SULT1C4: variants seen among roughly 807,000 people sequenced by gnomAD.
SULT1C4 encodes sulfotransferase 1C4.
Under a neutral mutation model 34.8 loss-of-function variants are expected in SULT1C4, and 32 were observed. The ratio of observed to expected loss-of-function variants is 0.92; its 90% confidence interval spans 0.69 to 1.23. The LOEUF (loss-of-function observed/expected upper bound fraction) is 1.23. Among genes scored for constraint, SULT1C4 ranks in the 50% most tolerant of loss-of-function variants. SULT1C4 has a pLI of 0.00. For missense variants in SULT1C4, 375 were observed against 365.9 expected (o/e 1.02, Z -0.20); for synonymous variants, 111 against 120.5 (o/e 0.92, Z 0.51).
At chr2:108,384,528 A>G (rs1420103839) in intron 5 of SULT1C4, among the ~76,000 whole-genome samples, 1 of 152,228 alleles carries the variant, frequency 6.6e-6, no homozygotes, top group African/African-American at 2.4e-5. Flanking sequence ...CGCCCAGCCA[A>G]TAGCTTTAAG....
At chr2:108,381,207 C>A (rs887404540) in intron 1 of SULT1C4, among the ~76,000 whole-genome samples, 3 of 151,910 alleles carry the variant, frequency 2.0e-5, no homozygotes, top group Admixed American at 6.6e-5. Context: ...ATAGTTGTGA[C>A]AGAAAAAAAT....
intron 1 of SULT1C4, among the ~76,000 whole-genome samples, chr2:108,379,045 T>C (rs1573292339): frequency 1.3e-5 from 2 of 152,328 alleles, no homozygotes; most frequent in Middle Eastern, 6.8e-3. Context: ...CAAAGTTGTC[T>C]GTAAAAGTAG....
At chr2:108,384,800 T>C (rs1678526632) in intron 5 of SULT1C4, among the ~76,000 whole-genome samples, 1 of 152,206 alleles carries the variant, frequency 6.6e-6, no homozygotes, top group Non-Finnish European at 1.5e-5. Flanking sequence ...CTATACAGAA[T>C]TACAGTGTCT....
In SULT1C4 at chr2:108,378,052, T is replaced by G. The variant is rs1678288589; in HGVS notation, c.-286T>G. On this transcript the variant is annotated 5_prime_UTR_variant, in exon 1 of 7. Transcript: ENST00000272452. ...TCCCTGTTTGCTGGCCAGCAGGGTT[T>G]GTGGCCGCCTCTGCTGTGACGCCAC... 1 of 207,650 alleles carries G rather than the reference T, an allele frequency of 4.8e-6. No homozygotes were observed. Among genetic ancestry groups the G allele is most frequent in the Non-Finnish European group, 9.3e-6 (1 of 108,002 alleles). The allele number at this position is 207,650 out of a possible 1,614,324, so 12.9% of individuals were successfully genotyped here.
intron 5 of SULT1C4, among the ~76,000 whole-genome samples, chr2:108,385,265 G>A (rs982849263): frequency 5.3e-5 from 8 of 152,154 alleles, no homozygotes; most frequent in African/African-American, 9.7e-5. Context: ...AGGATATGTC[G>A]CTGGGAATGG....
chr2:108,387,223 G>C, intron 6 of SULT1C4, 97 bp from the exon 7 acceptor site: 1 of 933,146 alleles, frequency 1.1e-6, no homozygotes. Flanking sequence ...GCCCTTCCTA[G>C]AACATGGCAT....
At position 108,378,386 on chromosome 2, in the gene SULT1C4, T is replaced by C. The variant is rs754310555; in HGVS notation, c.49T>C (p.Leu17=). The C allele has an allele frequency of 6.2e-7, 1 of 1,614,210 alleles. No homozygotes were observed. Among genetic ancestry groups the C allele is most frequent in the East Asian group, 2.2e-5 (1 of 44,884 alleles). ...TTTTACATTTGATGGAACAAAGCGC[T>C]TAAGTGTCAACTACGTGAAGGGAAT... ...EDFTFDGTKR[L]SVNYVKGILQ... The change falls in exon 1 of 7, where the codon TTA becomes CTA. Residue 17 remains leucine, a synonymous_variant. Coordinates refer to ENST00000272452, the MANE Select transcript of SULT1C4 (RefSeq NM_006588.4).
chr2:108,382,194 C>A, intron 2 of SULT1C4, 191 bp from the exon 3 acceptor site: 1 of 599,982 alleles, frequency 1.7e-6, no homozygotes. Flanking sequence ...ATTTGGATGA[C>A]TGTTATGGTT....
intron 5 of SULT1C4, among the ~76,000 whole-genome samples, chr2:108,384,216 ATTTATTTATTTATTTAT>A (rs1208300043): frequency 1.4e-3 from 214 of 150,134 alleles, no homozygotes; most frequent in African/African-American, 5.2e-3. Context: ...TTATTTATTT[ATTTATTTATTTATTTAT>A]TTTATTTATT....
chr2:108,383,115 C>T lies in SULT1C4; in HGVS notation c.416C>T (p.Pro139Leu). The change falls in exon 4 of 7, where the codon CCC becomes CTC. Residue 139 changes from proline to leucine, a missense_variant. Physicochemically the swap from Pro to Leu is moderately conservative, Grantham distance 98. Coordinates refer to ENST00000272452, the MANE Select transcript of SULT1C4 (RefSeq NM_006588.4). ...NCKIIYVARN[P>L]KDNMVSYYHF... ...CAGATAATCTATGTAGCAAGAAATC[C>T]CAAGGACAACATGGTGTCCTATTAC... is the stretch of plus-strand genomic sequence containing the variant. 1 of 1,603,388 alleles carries T rather than the reference C, an allele frequency of 6.2e-7. No individual in the cohort carries two copies. Among genetic ancestry groups the T allele is most frequent in the Non-Finnish European group, 8.5e-7 (1 of 1,175,420 alleles).
At position 108,388,287 on chromosome 2, in the gene SULT1C4, T is replaced by C. The variant is rs1266099306; in HGVS notation, c.*855T>C. ...CACTGGCGTATATATTTAACTGGAC[T>C]CACTCTCCCACCCTCAGCTAATGCT... On this transcript the variant is annotated 3_prime_UTR_variant, in exon 7 of 7. Coordinates refer to ENST00000272452, the MANE Select transcript of SULT1C4 (RefSeq NM_006588.4). 6.6e-6 allele frequency among the ~76,000 whole-genome samples: 1 copy of C among 152,176 alleles called. No homozygotes were observed. Among genetic ancestry groups the C allele is most frequent in the Admixed American group, 6.5e-5 (1 of 15,272 alleles).
At chr2:108,378,628 G>A in intron 1 of SULT1C4, 122 bp downstream of exon 1, 2 of 1,103,710 alleles carry the variant, frequency 1.8e-6, no homozygotes, top group Non-Finnish European at 2.6e-6. Flanking sequence ...ATATGGCTAA[G>A]GAAAGTTACT....
In SULT1C4 at chr2:108,382,559, C is replaced by T; in HGVS notation, c.393+77C>T. ...TTCCATTTCCTCTTAAAACACTTCA[C>T]TTGTTAAATATATATATATATACCT... is the stretch of plus-strand genomic sequence containing the variant. On this transcript the variant is annotated intron_variant, in intron 3 of 6. Coordinates refer to ENST00000272452, the MANE Select transcript of SULT1C4 (RefSeq NM_006588.4). 4.8e-6 allele frequency: 5 copies of T among 1,032,834 alleles called. No homozygotes were observed. The South Asian group carries it at 5.1e-5, about 11-fold the overall frequency. The allele number at this position is 1,032,834 out of a possible 1,614,324, so 64.0% of individuals were successfully genotyped here. A position where few individuals can be genotyped will look rare whatever the true frequency, so the allele number is the denominator to read the frequency against.
intron 6 of SULT1C4, 146 bp downstream of exon 6, chr2:108,386,518 A>C (rs1322952892): frequency 1.5e-6 from 1 of 654,476 alleles, no homozygotes; most frequent in Non-Finnish European, 2.2e-6. Flanking sequence ...GCCACTGATA[A>C]AATGAAAATC....
chr2:108,385,575 G>A (rs1268358562), intron 5 of SULT1C4, among the ~76,000 whole-genome samples: 1 of 152,114 alleles, frequency 6.6e-6, no homozygotes, highest in African/African-American at 2.4e-5. Context: ...CCCGCCCTCT[G>A]CTCCTAGAGA....
chr2:108,379,340 C>T (rs1486077442), intron 1 of SULT1C4, among the ~76,000 whole-genome samples: 2 of 152,282 alleles, frequency 1.3e-5, no homozygotes, highest in Non-Finnish European at 2.9e-5. Context: ...GAAGATTCTG[C>T]AGGCACATGG....
chr2:108,381,733 T>C, intron 1 of SULT1C4, 29 bp from the exon 2 acceptor site: 1 of 1,364,718 alleles, frequency 7.3e-7, no homozygotes, highest in African/African-American at 1.5e-5. Flanking sequence ...ACTAGATGTC[T>C]ATTCATCTTC....
intron 5 of SULT1C4, among the ~76,000 whole-genome samples, chr2:108,383,863 G>GT (rs1227065999): frequency 8.8e-6 from 1 of 114,086 alleles, no homozygotes; most frequent in South Asian, 2.8e-4. Context: ...GGTTTTTTTT[G>GT]TTTTTGTTTT....
In SULT1C4 at chr2:108,387,471, A is replaced by G; in HGVS notation, c.*39A>G. 7.5e-7 allele frequency: 1 copy of G among 1,338,984 alleles called. No homozygotes were observed. Among genetic ancestry groups the G allele is most frequent in the Non-Finnish European group, 1.1e-6 (1 of 944,800 alleles). 82.9% of individuals were successfully genotyped at this position (1,338,984 alleles called of 1,614,324 possible). A position where few individuals can be genotyped will look rare whatever the true frequency, so the allele number is the denominator to read the frequency against. On this transcript the variant is annotated 3_prime_UTR_variant, in exon 7 of 7. Transcript: ENST00000272452. ...CTGAAAATGTTTTAGTTTATTACCCAGTATATTTGGGTAATAATGAAAGTT... is the reference window on the plus strand; with the variant it reads ...CTGAAAATGTTTTAGTTTATTACCCGGTATATTTGGGTAATAATGAAAGTT...
Sources: gnomAD v4.1 joint callset for allele counts (sites outside exome capture counted in the v4.1 genomes callset) on GRCh38, gnomAD v4.1.1 for gene constraint, MANE v1.5 for transcripts, NCBI Gene and HGNC (gene_info 2026-07-23, HGNC 2026-07-21) for gene names.